The following PHLPP2 variants were observed in gnomAD, a reference collection of about 807,000 sequenced individuals.
The protein encoded by PHLPP2 is PH domain leucine-rich repeat-containing protein phosphatase 2.
Under a neutral mutation model 124.9 loss-of-function variants are expected in PHLPP2, and 66 were observed. That is an observed-to-expected ratio of 0.53 (90% confidence interval 0.43 to 0.65). The LOEUF is 0.65. Among genes scored for constraint, PHLPP2 ranks in the 30% least tolerant of loss-of-function variants. The pLI, the probability that PHLPP2 is intolerant of heterozygous loss-of-function variation, is 0.00. For synonymous variants in PHLPP2, 681 were observed against 624.7 expected (o/e 1.09, Z -1.34); for missense variants, 1,685 against 1,600.4 (o/e 1.05, Z -0.90).
chr16:71,672,632 T>C (rs1018667035), intron 9 of PHLPP2, among the ~76,000 whole-genome samples: 3 of 152,248 alleles, frequency 2.0e-5, no homozygotes, highest in Admixed American at 6.5e-5. Context: ...AGACTTTTAC[T>C]GGCAATATTT....
At position 71,681,835 on chromosome 16, in the gene PHLPP2, A is replaced by G; in HGVS notation, c.806T>C (p.Phe269Ser). The G allele has an allele frequency of 6.2e-7, 1 of 1,613,892 alleles. No homozygotes were observed. The highest frequency in any genetic ancestry group is 8.5e-7 in the Non-Finnish European group (1 of 1,179,862). ...YSLEEVPEHL[F>S]YSQDITYLNL... ...GAGGTAGGTAATATCTTGACTATAG[A>G]AGAGATGCTCAGGAACCTCCTCGAG... The change falls in exon 6 of 19, where the codon TTC (phenylalanine) becomes TCC (serine). Residue 269 changes from phenylalanine (F) to serine (S), a missense_variant. Phe to Ser is a radical substitution (Grantham distance 155). Coordinates refer to ENST00000568954, the MANE Select transcript of PHLPP2 (RefSeq NM_015020.3).
chr16:71,694,038 A>G (rs966060266), intron 3 of PHLPP2, among the ~76,000 whole-genome samples: 55 of 152,148 alleles, frequency 3.6e-4, no homozygotes, highest in African/African-American at 1.2e-3. Context: ...TACTAAAAAC[A>G]CAACAATTAG....
At chr16:71,707,170 T>C (rs2045281314) in intron 2 of PHLPP2, among the ~76,000 whole-genome samples, 1 of 151,790 alleles carries the variant, frequency 6.6e-6, no homozygotes, top group Non-Finnish European at 1.5e-5. Context: ...TTAGCCAGGA[T>C]GGTCTCGATC....
intron 2 of PHLPP2, among the ~76,000 whole-genome samples, chr16:71,703,240 T>C (rs1471732765): frequency 6.6e-6 from 1 of 152,228 alleles, no homozygotes; most frequent in Non-Finnish European, 1.5e-5. Flanking sequence ...TTTTTTTAAC[T>C]TTTTGGTGTC....
rs747239608 is a variant in PHLPP2 at position 71,655,338 on chromosome 16, G to A, written c.2487C>T (p.Arg829=). ...CATCTGCCATCGTACACTGCAGCAG[G>A]CGCGGGAGCTCCTCATTTCGGTCTC... ...FDGDRNEELP[R]LLQCTMADVL... is the part of the protein sequence containing the mutation. Residue 829 remains arginine (R), a synonymous_variant, in exon 17 of 19, where the codon CGC becomes CGT. Coordinates refer to ENST00000568954, the MANE Select transcript of PHLPP2 (RefSeq NM_015020.3). The A allele has an allele frequency of 1.4e-5, 22 of 1,613,740 alleles. No homozygotes were observed. Among genetic ancestry groups the A allele is most frequent in the Admixed American group, 8.3e-5 (5 of 60,002 alleles).
rs559343179 is a variant in PHLPP2 at position 71,698,468 on chromosome 16, C to A, written c.418+4130G>T. The A allele has an allele frequency of 5.3e-6, 4 of 749,478 alleles. No individual in the cohort carries two copies. In the East Asian group the frequency reaches 1.0e-4, roughly 19 times the overall value. 46.4% of individuals were successfully genotyped at this position (749,478 alleles called of 1,614,324 possible). Reference sequence around the variant, plus strand: ...GTAACTTGGCCAATGTGAACCTCGGCCACAGTGCCCTGCGGCTTTCCAAAG... The same window carrying A: ...GTAACTTGGCCAATGTGAACCTCGGACACAGTGCCCTGCGGCTTTCCAAAG... On this transcript the variant is annotated intron_variant, in intron 3 of 18. Transcript: ENST00000568954.
intron 10 of PHLPP2, among the ~76,000 whole-genome samples, chr16:71,671,148 T>C (rs2044889260): frequency 6.6e-6 from 1 of 152,212 alleles, no homozygotes; most frequent in African/African-American, 2.4e-5. Context: ...AAAATTTTAG[T>C]ACTGATCCAT....
At chr16:71,688,345 T>C (rs1165492174) in intron 4 of PHLPP2, among the ~76,000 whole-genome samples, 2 of 152,226 alleles carry the variant, frequency 1.3e-5, no homozygotes, top group African/African-American at 2.4e-5. Context: ...TCTCTCTTTG[T>C]CTGATCTAGA....
intron 1 of PHLPP2, among the ~76,000 whole-genome samples, chr16:71,717,563 T>C (rs1252563777): frequency 6.6e-6 from 1 of 152,200 alleles, no homozygotes; most frequent in Non-Finnish European, 1.5e-5. Flanking sequence ...TGCATAAACA[T>C]AGGGACCATC....
chr16:71,671,469 T>C (rs1486892509), intron 10 of PHLPP2, among the ~76,000 whole-genome samples: 2 of 151,982 alleles, frequency 1.3e-5, no homozygotes, highest in East Asian at 1.9e-4. Flanking sequence ...ATCTTGCCAC[T>C]AGACTGCAAA....
chr16:71,664,984 T>C (rs1294034323), intron 12 of PHLPP2, among the ~76,000 whole-genome samples: 1 of 152,118 alleles, frequency 6.6e-6, no homozygotes, highest in Non-Finnish European at 1.5e-5. Flanking sequence ...ATTTAATATA[T>C]TGCCAAACTG....
chr16:71,676,112 C>A (rs1230372868), intron 9 of PHLPP2, among the ~76,000 whole-genome samples: 1 of 152,056 alleles, frequency 6.6e-6, no homozygotes, highest in Non-Finnish European at 1.5e-5. Flanking sequence ...AGGTGGCAGG[C>A]CAGATGCAGT....
intron 1 of PHLPP2, chr16:71,723,795 G>T: frequency 7.6e-7 from 1 of 1,307,504 alleles, no homozygotes; most frequent in Non-Finnish European, 9.8e-7. Flanking sequence ...CCTCCCGGCC[G>T]GCGGCTCGCG....
rs200473932 is a variant in PHLPP2, at chr16:71,655,341, C to A, written c.2484G>T (p.Pro828=). The change falls in exon 17 of 19, where the codon CCG becomes CCT. Residue 828 remains proline, a synonymous_variant. Transcript: ENST00000568954. ...MFDGDRNEEL[P]RLLQCTMADV... ...CTGCCATCGTACACTGCAGCAGGCGCGGGAGCTCCTCATTTCGGTCTCCAT... is the reference window on the plus strand; with the variant it reads ...CTGCCATCGTACACTGCAGCAGGCGAGGGAGCTCCTCATTTCGGTCTCCAT... The A allele has an allele frequency of 1.2e-6, 2 of 1,613,744 alleles. No individual in the cohort carries two copies. The highest frequency in any genetic ancestry group is 2.7e-5 in the African/African-American group (2 of 74,898).
intron 14 of PHLPP2, 40 bp from the exon 15 acceptor site, chr16:71,658,403 G>T: frequency 6.3e-7 from 1 of 1,584,242 alleles, no homozygotes; most frequent in South Asian, 1.1e-5. Context: ...ATACATCACA[G>T]AGACTTAGTT....
intron 3 of PHLPP2, among the ~76,000 whole-genome samples, chr16:71,695,422 T>C (rs1437278369): frequency 2.6e-5 from 4 of 152,118 alleles, no homozygotes; most frequent in Admixed American, 6.5e-5. Flanking sequence ...AAGAAATGTA[T>C]ACAGGGCCGG....
Position 71,676,570 on chromosome 16 carries a change from G to T in PHLPP2, c.1348C>A (p.Arg450=), listed in dbSNP as rs575871196. 3.7e-6 allele frequency: 6 copies of T among 1,613,832 alleles called. No individual in the cohort carries two copies. The highest frequency in any genetic ancestry group is 4.5e-5 in the East Asian group (2 of 44,902). Residue 450 remains arginine (R), a synonymous_variant, in exon 9 of 19, where the codon CGA becomes AGA. Coordinates refer to ENST00000568954, the MANE Select transcript of PHLPP2 (RefSeq NM_015020.3). The part of the protein sequence containing the change: ...HITHVDLRDN[R]LTDLDLSSLC... ...GAGCTAAGATCCAAGTCAGTCAGTCGGTTGTCCCGCAGATCCACGTGGGTG... is the reference window on the plus strand; with the variant it reads ...GAGCTAAGATCCAAGTCAGTCAGTCTGTTGTCCCGCAGATCCACGTGGGTG...
chr16:71,699,929 C>A (rs534410257), intron 3 of PHLPP2, among the ~76,000 whole-genome samples: 2 of 152,332 alleles, frequency 1.3e-5, no homozygotes, highest in Admixed American at 6.5e-5. Flanking sequence ...TGGAGCACAA[C>A]AGACCCCAGT....
intron 4 of PHLPP2, among the ~76,000 whole-genome samples, chr16:71,684,846 T>C (rs767196792): frequency 1.3e-5 from 2 of 152,184 alleles, no homozygotes; most frequent in African/African-American, 4.8e-5. Context: ...TAGCACCTCT[T>C]GTCCTCAGGA....
Sources: gnomAD v4.1 joint callset for allele counts (sites outside exome capture counted in the v4.1 genomes callset) on GRCh38, gnomAD v4.1.1 for gene constraint, MANE v1.5 for transcripts, NCBI Gene and HGNC (gene_info 2026-07-23, HGNC 2026-07-21) for gene names.